The following EYA2 variants were observed in gnomAD, a reference collection of about 807,000 sequenced individuals.
EYA2 encodes EYA transcriptional coactivator and phosphatase 2.
A neutral mutation model predicts 69.2 loss-of-function variants in EYA2; 31 were observed. The observed-to-expected ratio is 0.45, with a 90% CI of 0.34 to 0.60. The LOEUF (loss-of-function observed/expected upper bound fraction) is 0.60, where lower values mean the gene tolerates loss of function less well. Among genes scored for constraint, EYA2 ranks in the 20% least tolerant of loss-of-function variants. The probability of loss-of-function intolerance (pLI) is 0.02; values close to 1 mark genes in which losing one functional copy is unlikely to be tolerated. For missense variants in EYA2, 622 were observed against 701.2 expected (o/e 0.89, Z 1.28); for synonymous variants, 257 against 279.4 (o/e 0.92, Z 0.80).
chr20:46,952,936 A>G (rs7274587), intron 1 of EYA2, among the ~76,000 whole-genome samples: 75,904 of 152,130 alleles, frequency 0.5, 19,808 homozygotes, highest in Non-Finnish European at 0.57. Flanking sequence ...ATCTAAACAC[A>G]TGAAAAATGA....
chr20:47,164,210 C>G (rs1254175297), intron 10 of EYA2, among the ~76,000 whole-genome samples: 3 of 152,192 alleles, frequency 2.0e-5, no homozygotes, highest in Non-Finnish European at 4.4e-5. Flanking sequence ...CCCCTCCGAG[C>G]TGGCTCAAGG....
In EYA2 at chr20:47,049,668, G is replaced by GC. The variant is rs905668227; in HGVS notation, c.416-22510dup. ...CCGCCATGAGTAAAAGCTCCCTGAGGCCCCCCCAGAAGCTGAGCAGATGCT... is the reference window on the plus strand; with the variant it reads ...CCGCCATGAGTAAAAGCTCCCTGAGGCCCCCCCCAGAAGCTGAGCAGATGCT... On this transcript the variant is annotated intron_variant, in intron 5 of 15. Transcript: ENST00000327619. 9.2e-5 allele frequency among the ~76,000 whole-genome samples: 14 copies of GC among 152,074 alleles called. No individual in the cohort carries two copies. The East Asian group carries it at 1.4e-3, about 15-fold the overall frequency.
intron 9 of EYA2, among the ~76,000 whole-genome samples, chr20:47,119,864 T>C (rs1035452104): frequency 2.0e-5 from 3 of 151,792 alleles, no homozygotes; most frequent in African/African-American, 4.8e-5. Flanking sequence ...CTTAGGAGTT[T>C]GAGACCAGCC....
At chr20:47,184,163 G>A (rs187645253) in intron 15 of EYA2, among the ~76,000 whole-genome samples, 1 of 152,302 alleles carries the variant, frequency 6.6e-6, no homozygotes, top group African/African-American at 2.4e-5. Flanking sequence ...CCTTTCCTGG[G>A]AGATGTAGTC....
intron 1 of EYA2, among the ~76,000 whole-genome samples, chr20:46,943,895 G>A (rs1435750872): frequency 2.0e-5 from 3 of 151,972 alleles, no homozygotes; most frequent in Non-Finnish European, 2.9e-5. Flanking sequence ...CTTTTCCTGC[G>A]CTCTCTTTTT....
rs778960715 is a variant in EYA2, at chr20:47,188,040, T to C, written c.1537-13T>C. The stretch of plus-strand genomic sequence containing the variant: ...CGGGGCCATAACCTTGTGGCTGGTG[T>C]TCTGTGTTTCAGCACAACATGCCTT... On this transcript the variant is annotated splice_polypyrimidine_tract_variant and intron_variant, in intron 15 of 15. Transcript: ENST00000327619. 1.3e-6 allele frequency: 2 copies of C among 1,556,588 alleles called. No homozygotes were observed. Among genetic ancestry groups the C allele is most frequent in the African/African-American group, 2.7e-5 (2 of 73,376 alleles).
At chr20:47,181,080 G>A in intron 14 of EYA2, 144 bp downstream of exon 14, 1 of 1,164,050 alleles carries the variant, frequency 8.6e-7, no homozygotes, top group East Asian at 2.5e-5. Flanking sequence ...TCCCAAAACA[G>A]CCCCCATAGA....
chr20:47,111,498 A>T (rs1194402631), intron 9 of EYA2, among the ~76,000 whole-genome samples: 1 of 152,200 alleles, frequency 6.6e-6, no homozygotes, highest in Non-Finnish European at 1.5e-5. Context: ...TCTCTGCTCC[A>T]TGGGGTCTCT....
chr20:47,107,450 C>G (rs191724203), intron 9 of EYA2, among the ~76,000 whole-genome samples: 2 of 149,498 alleles, frequency 1.3e-5, no homozygotes, highest in Non-Finnish European at 3.0e-5. Context: ...TACTTAAACC[C>G]AGGTGGCAGA....
intron 1 of EYA2, among the ~76,000 whole-genome samples, chr20:46,908,497 GTCAA>G (rs1984474087): frequency 1.3e-5 from 2 of 152,298 alleles, no homozygotes; most frequent in South Asian, 2.1e-4. Flanking sequence ...GCCGTTCTGC[GTCAA>G]TCAGTCATGT....
chr20:47,121,919 C>A (rs2033055963), intron 9 of EYA2, among the ~76,000 whole-genome samples: 2 of 152,212 alleles, frequency 1.3e-5, no homozygotes, highest in Admixed American at 1.3e-4. Context: ...TGCCCTCCAA[C>A]CCCAGCTCCT....
At chr20:47,145,272 C>CT (rs1346227127) in intron 10 of EYA2, among the ~76,000 whole-genome samples, 25 of 152,080 alleles carry the variant, frequency 1.6e-4, no homozygotes, top group Non-Finnish European at 2.9e-5. Context: ...CCTCTTAAGG[C>CT]AGTAGCACTT....
intron 10 of EYA2, among the ~76,000 whole-genome samples, chr20:47,159,008 T>C (rs2034011424): frequency 6.6e-6 from 1 of 152,024 alleles, no homozygotes; most frequent in South Asian, 2.1e-4. Flanking sequence ...TATGAGTCTA[T>C]GCTGATGTAG....
chr20:47,127,401 C>T (rs903875826), intron 9 of EYA2, among the ~76,000 whole-genome samples: 6 of 152,060 alleles, frequency 3.9e-5, no homozygotes, highest in Admixed American at 2.6e-4. Flanking sequence ...GTCAGGAGTT[C>T]GAGACCAGCC....
intron 10 of EYA2, among the ~76,000 whole-genome samples, chr20:47,163,698 C>CAAAAAA (rs11471495): frequency 8.2e-5 from 7 of 85,536 alleles, no homozygotes; most frequent in African/African-American, 2.7e-4. Flanking sequence ...AACACTGTCT[C>CAAAAAA]AAAAAAAAAA....
chr20:46,999,852 G>A (rs946494995), intron 2 of EYA2, among the ~76,000 whole-genome samples: 11 of 152,186 alleles, frequency 7.2e-5, no homozygotes, highest in African/African-American at 2.7e-4. Context: ...TTCTTCATCT[G>A]TACAACGGGG....
chr20:46,967,972 G>A (rs892233225), intron 1 of EYA2, among the ~76,000 whole-genome samples: 2 of 152,214 alleles, frequency 1.3e-5, no homozygotes, highest in African/African-American at 4.8e-5. Context: ...GAGATGAAGG[G>A]TGGTTAGACC....
At chr20:47,068,237 C>A (rs933318632) in intron 5 of EYA2, among the ~76,000 whole-genome samples, 1 of 152,120 alleles carries the variant, frequency 6.6e-6, no homozygotes, top group East Asian at 1.9e-4. Flanking sequence ...ATAAAGCACT[C>A]AATAATCTCA....
At position 47,063,140 on chromosome 20, in the gene EYA2, A is replaced by G. The variant is rs117345181; in HGVS notation, c.416-9045A>G. On this transcript the variant is annotated intron_variant, in intron 5 of 15. Coordinates refer to ENST00000327619, the MANE Select transcript of EYA2 (RefSeq NM_005244.5). ...TGGCGTTTAGTGCGTTCACAGTGTTATGCAGTCACCACCTCCAATTCCAAC... is the reference window on the plus strand; with the variant it reads ...TGGCGTTTAGTGCGTTCACAGTGTTGTGCAGTCACCACCTCCAATTCCAAC... Among the ~76,000 whole-genome samples the G allele has an allele frequency of 5.1e-3, 775 of 152,306 alleles. 2 individuals carry two copies. The highest frequency in any genetic ancestry group is 7.6e-3 in the Non-Finnish European group (516 of 68,030).
Sources: allele counts gnomAD v4.1 joint callset (sites outside exome capture counted in the v4.1 genomes callset), GRCh38; gene constraint gnomAD v4.1.1; transcripts MANE v1.5; gene names NCBI Gene and HGNC (gene_info 2026-07-23, HGNC 2026-07-21).